S100PBP: variants seen among roughly 807,000 people sequenced by gnomAD.
The protein encoded by S100PBP is S100P-binding protein.
S100PBP carries 15 observed loss-of-function variants against 39.9 expected under a neutral mutation model. That is an observed-to-expected ratio of 0.38 (90% CI 0.25 to 0.58). The LOEUF (loss-of-function observed/expected upper bound fraction) is 0.58, where lower values mean the gene tolerates loss of function less well. Ranked by LOEUF, S100PBP falls within the 20% of genes least tolerant of loss-of-function variation. S100PBP has a pLI of 0.70. For synonymous variants in S100PBP, 178 were observed against 180.3 expected, an observed-to-expected ratio of 0.99 and a Z score of 0.10; for missense variants, 504 against 487.3, an observed-to-expected ratio of 1.03 and a Z score of -0.32.
intron 1 of S100PBP, among the ~76,000 whole-genome samples, chr1:32,823,222 A>G (rs967351390): frequency 2.6e-5 from 4 of 152,214 alleles, no homozygotes; most frequent in Admixed American, 2.0e-4. Context: ...ATGGCCCAGA[A>G]AGGGCATCTA....
chr1:32,834,089 G>A, intron 5 of S100PBP: 1 of 274,996 alleles, frequency 3.6e-6, no homozygotes, highest in Non-Finnish European at 7.8e-6. Context: ...TTAAAAAACT[G>A]TTACATGTTA....
chr1:32,836,861 T>C (rs990895935), intron 5 of S100PBP: 3 of 152,164 alleles, frequency 2.0e-5, no homozygotes, highest in Non-Finnish European at 4.4e-5. Context: ...TGTTTACATA[T>C]CTGAACATGT....
At chr1:32,847,324 T>G (rs2148685616) in intron 5 of S100PBP, 1 of 152,324 alleles carries the variant, frequency 6.6e-6, no homozygotes, top group South Asian at 2.1e-4. Context: ...AAACTTTTTA[T>G]TTTGAAAAAT....
At chr1:32,818,180 A>G (rs958895733) in intron 1 of S100PBP, 2 of 152,310 alleles carry the variant, frequency 1.3e-5, no homozygotes, top group East Asian at 3.9e-4. Context: ...GTTTGCCCCT[A>G]CTGGGGGAGG....
At chr1:32,837,838 TAGTATTCCATTA>T in intron 5 of S100PBP, among the ~76,000 whole-genome samples, 1 of 152,110 alleles carries the variant, frequency 6.6e-6, no homozygotes, top group East Asian at 1.9e-4. Context: ...TATTGCTGAG[TAGTATTCCATTA>T]TATAGATTTA....
upstream of S100PBP, chr1:32,817,232 G>T: frequency 6.2e-7 from 1 of 1,614,142 alleles, no homozygotes. Flanking sequence ...TCAGGGCTGG[G>T]AGCGTCCCCC....
rs1557504948 is a variant in S100PBP, at chr1:32,842,240, C to CAT, written c.1025-10838_1025-10837insTA. ...ATATATGTATATATATATATATACA[C>CAT]ACACACACACACACACACACACACA... On this transcript the variant is annotated intron_variant, in intron 5 of 6. Coordinates refer to ENST00000373475, the MANE Select transcript of S100PBP (RefSeq NM_022753.4). 1.4e-4 allele frequency among the ~76,000 whole-genome samples: 5 copies of CAT among 35,108 alleles called. No homozygotes were observed. In the East Asian group the frequency reaches 4.7e-3, roughly 33 times the overall value. The allele number at this position is 35,108 out of a possible 152,430, so 23.0% of individuals were successfully genotyped here. A position where few individuals can be genotyped will look rare whatever the true frequency, so the allele number is the denominator to read the frequency against.
At chr1:32,828,113 T>G in intron 4 of S100PBP, 32 bp downstream of exon 4, 1 of 1,448,796 alleles carries the variant, frequency 6.9e-7, no homozygotes, top group Non-Finnish European at 9.6e-7. Flanking sequence ...TATTCTGATT[T>G]ATTTTGGTTC....
At chr1:32,836,166 C>G (rs1165716246) in intron 5 of S100PBP, 1 of 151,040 alleles carries the variant, frequency 6.6e-6, no homozygotes, top group Non-Finnish European at 1.5e-5. Flanking sequence ...GGAGTCTCGC[C>G]CTGTCATCCA....
chr1:32,828,125 C>G (rs755146533), intron 4 of S100PBP, 44 bp downstream of exon 4: 2 of 1,362,854 alleles, frequency 1.5e-6, no homozygotes, highest in Non-Finnish European at 2.1e-6. Context: ...TTTTGGTTCT[C>G]TTCAATTTCT....
chr1:32,842,221 GTA>G (rs373787383), intron 5 of S100PBP, among the ~76,000 whole-genome samples: 5,664 of 91,642 alleles, frequency 0.062, 226 homozygotes, highest in African/African-American at 0.076. Flanking sequence ...ATATATATAT[GTA>G]TATATATATA....
intron 1 of S100PBP, among the ~76,000 whole-genome samples, chr1:32,818,335 A>G (rs554634198): frequency 2.0e-5 from 3 of 152,348 alleles, no homozygotes; most frequent in Admixed American, 6.5e-5. Context: ...CCAAGGCAGT[A>G]TCCTCCAAAG....
At chr1:32,844,811 A>G (rs1037189306) in intron 5 of S100PBP, among the ~76,000 whole-genome samples, 5 of 151,390 alleles carry the variant, frequency 3.3e-5, no homozygotes, top group African/African-American at 1.2e-4. Context: ...AGAGAGATAT[A>G]TATCTCTATA....
intron 4 of S100PBP, among the ~76,000 whole-genome samples, chr1:32,828,901 CTGAGG>C (rs1347803913): frequency 6.6e-6 from 1 of 152,078 alleles, no homozygotes; most frequent in Admixed American, 6.5e-5. Flanking sequence ...ACGAGGAAGA[CTGAGG>C]TGGGAAGATT....
At chr1:32,850,637 C>T (rs1014549179) in intron 5 of S100PBP, among the ~76,000 whole-genome samples, 1 of 152,000 alleles carries the variant, frequency 6.6e-6, no homozygotes, top group African/African-American at 2.4e-5. Context: ...CTATTCATGC[C>T]CTTGACCTTT....
chr1:32,831,193 G>A (rs749892100), intron 5 of S100PBP, among the ~76,000 whole-genome samples: 2 of 152,136 alleles, frequency 1.3e-5, no homozygotes, highest in Non-Finnish European at 2.9e-5. Context: ...GAAATGTAAA[G>A]AGGAGTAAGA....
intron 1 of S100PBP, among the ~76,000 whole-genome samples, chr1:32,821,556 G>A (rs78319820): frequency 6.6e-6 from 1 of 151,296 alleles, no homozygotes; most frequent in Non-Finnish European, 1.5e-5. Context: ...TCCTGACCTC[G>A]TGATCCGCCC....
In S100PBP at chr1:32,826,184, T is replaced by G; in HGVS notation, c.85T>G (p.Leu29Val). ...KDGAPFSWDS[L>V]DEDGLDDSLL... ...CGGTGCCCCATTTTCTTGGGATTCC[T>G]TGGATGAGGATGGATTGGATGACTC... The change falls in exon 3 of 7, where the codon TTG becomes GTG. Residue 29 changes from leucine to valine, a missense_variant. Leu to Val is a conservative substitution (Grantham distance 32, BLOSUM62 1). Transcript: ENST00000373475. The G allele has an allele frequency of 6.2e-7, 1 of 1,614,130 alleles. No homozygotes were observed. The highest frequency in any genetic ancestry group is 8.5e-7 in the Non-Finnish European group (1 of 1,180,010).
intron 5 of S100PBP, among the ~76,000 whole-genome samples, chr1:32,846,501 A>G (rs953145051): frequency 6.6e-6 from 1 of 151,290 alleles, no homozygotes; most frequent in Non-Finnish European, 1.5e-5. Context: ...TTCCACTTCC[A>G]TCTTTCCCTG....
Sources: gnomAD v4.1 joint callset for allele counts (sites outside exome capture counted in the v4.1 genomes callset) on GRCh38, gnomAD v4.1.1 for gene constraint, MANE v1.5 for transcripts, NCBI Gene and HGNC (gene_info 2026-07-23, HGNC 2026-07-21) for gene names.